FBXL5: variants seen among roughly 807,000 people sequenced by gnomAD.
FBXL5 encodes F-box and leucine rich repeat protein 5, also known as F-box/LRR-repeat protein 5.
Under a neutral mutation model 78.3 loss-of-function variants are expected in FBXL5, and 26 were observed. The ratio of observed to expected loss-of-function variants is 0.33; its 90% CI spans 0.24 to 0.46. FBXL5 has a LOEUF of 0.46. Among genes scored for constraint, FBXL5 ranks in the 20% least tolerant of loss-of-function variants. The probability of loss-of-function intolerance (pLI) is 1.00; values close to 1 mark genes in which losing one functional copy is unlikely to be tolerated. For missense variants in FBXL5, 710 were observed against 829.2 expected, an observed-to-expected ratio of 0.86 and a Z score of 1.77; for synonymous variants, 295 against 282.5, an observed-to-expected ratio of 1.04 and a Z score of -0.45.
chr4:15,636,721 T>C (rs1714323907), intron 4 of FBXL5, 45 bp from the exon 5 acceptor site: 3 of 1,346,936 alleles, frequency 2.2e-6, no homozygotes, highest in Non-Finnish European at 3.0e-6. Flanking sequence ...CTAAAGAGCA[T>C]ATGCAATAAG....
chr4:15,615,358 G>C (rs1050551188), intron 9 of FBXL5, among the ~76,000 whole-genome samples: 5 of 152,022 alleles, frequency 3.3e-5, no homozygotes, highest in Non-Finnish European at 7.4e-5. Context: ...GGATCCACTG[G>C]GTGAAGCCAG....
chr4:15,663,276 A>G (rs1717397281), upstream of FBXL5, among the ~76,000 whole-genome samples: 1 of 152,218 alleles, frequency 6.6e-6, no homozygotes, highest in South Asian at 2.1e-4. Context: ...ACTCCACTGC[A>G]TGGGACATAG....
chr4:15,640,980 G>GA (rs1014527679), intron 2 of FBXL5, 97 bp from the exon 3 acceptor site: 859 of 546,276 alleles, frequency 1.6e-3, no homozygotes, highest in South Asian at 2.1e-3. Flanking sequence ...AACCTCCGGG[G>GA]AAAAAAAAAT....
chr4:15,657,482 T>C (rs1339412240), upstream of FBXL5, among the ~76,000 whole-genome samples: 1 of 152,206 alleles, frequency 6.6e-6, no homozygotes, highest in Admixed American at 6.5e-5. Flanking sequence ...ACCAGACACA[T>C]TAAAAAGGTA....
At chr4:15,636,945 C>T (rs1714345593) in intron 4 of FBXL5, among the ~76,000 whole-genome samples, 1 of 152,102 alleles carries the variant, frequency 6.6e-6, no homozygotes, top group Non-Finnish European at 1.5e-5. Context: ...CTTACAAAGG[C>T]ATCACAGAAA....
intron 9 of FBXL5, among the ~76,000 whole-genome samples, chr4:15,615,890 A>G (rs1711804311): frequency 6.6e-6 from 1 of 152,108 alleles, no homozygotes; most frequent in Non-Finnish European, 1.5e-5. Context: ...GTCCCCTTCC[A>G]CACTGTGGAA....
chr4:15,607,376 AAAT>A (rs1721961176), intron 10 of FBXL5, among the ~76,000 whole-genome samples: 1 of 152,230 alleles, frequency 6.6e-6, no homozygotes, highest in Non-Finnish European at 1.5e-5. Flanking sequence ...TCTGGTCTTT[AAAT>A]GAGAAGTTAA....
At chr4:15,655,683 A>G (rs1716846698), upstream of FBXL5, among the ~76,000 whole-genome samples, 1 of 152,158 alleles carries the variant, frequency 6.6e-6, no homozygotes, top group Non-Finnish European at 1.5e-5. Flanking sequence ...CACGGCCTTG[A>G]GGAGAGGCAG....
At chr4:15,628,167 T>A (rs1215953710) in intron 6 of FBXL5, 134 bp from the exon 7 acceptor site, 2 of 875,554 alleles carry the variant, frequency 2.3e-6, no homozygotes, top group Non-Finnish European at 1.7e-6. Context: ...ATCCCATTTT[T>A]AGGCAATGAA....
At position 15,640,885 on chromosome 4, in the gene FBXL5, T is replaced by G; in HGVS notation, c.301-2A>C. 3 of 1,426,226 alleles carry G rather than the reference T, an allele frequency of 2.1e-6. No individual in the cohort carries two copies. Among genetic ancestry groups the G allele is most frequent in the Non-Finnish European group, 2.8e-6 (3 of 1,065,860 alleles). The allele number at this position is 1,426,226 out of a possible 1,614,324, so 88.3% of individuals were successfully genotyped here. A position where few individuals can be genotyped will look rare whatever the true frequency, so the allele number is the denominator to read the frequency against. Reference sequence around the variant, plus strand: ...ATAATTTAACTGTTCATATTCATTCTGGAAACCAAAAAAAAAATACATTTT... The same window carrying G: ...ATAATTTAACTGTTCATATTCATTCGGGAAACCAAAAAAAAAATACATTTT... On this transcript the variant is annotated splice_acceptor_variant, in intron 2 of 10. Coordinates refer to ENST00000341285, the MANE Select transcript of FBXL5 (RefSeq NM_012161.4). LOFTEE classifies it high-confidence loss of function.
At position 15,605,163 on chromosome 4, in the gene FBXL5, A is replaced by G. The variant is rs960322805; in HGVS notation, c.*560T>C. 3 of 152,714 alleles carry G rather than the reference A, an allele frequency of 2.0e-5. No homozygotes were observed. Among genetic ancestry groups the G allele is most frequent in the African/African-American group, 7.2e-5 (3 of 41,460 alleles). 9.5% of individuals were successfully genotyped at this position (152,714 alleles called of 1,614,324 possible). On this transcript the variant is annotated 3_prime_UTR_variant, in exon 11 of 11. Transcript: ENST00000341285. Reference sequence around the variant, plus strand: ...ATATCGATTGGTGCTTTCCTAGCTCACTGAGCTAACACTCAGAAGCCAATT... The same window carrying G: ...ATATCGATTGGTGCTTTCCTAGCTCGCTGAGCTAACACTCAGAAGCCAATT...
chr4:15,655,082 G>A, intron 1 of FBXL5, 122 bp downstream of exon 1: 1 of 698,368 alleles, frequency 1.4e-6, no homozygotes, highest in Non-Finnish European at 1.9e-6. Context: ...TGCGCAGGCG[G>A]CTACTCGCGC....
intron 8 of FBXL5, 86 bp downstream of exon 8, chr4:15,626,787 A>C: frequency 1.0e-6 from 1 of 962,548 alleles, no homozygotes; most frequent in Non-Finnish European, 1.5e-6. Context: ...ATAGTAAAAA[A>C]TAATAGTATG....
chr4:15,624,228 A>G (rs191382874), intron 9 of FBXL5, among the ~76,000 whole-genome samples: 26 of 152,322 alleles, frequency 1.7e-4, no homozygotes, highest in Admixed American at 1.4e-3. Context: ...TTATCAAAGA[A>G]AAGCATGTAT....
chr4:15,610,166 G>A (rs1207396335), intron 10 of FBXL5, among the ~76,000 whole-genome samples: 1 of 151,976 alleles, frequency 6.6e-6, no homozygotes, highest in Non-Finnish European at 1.5e-5. Flanking sequence ...TACAAGCTGA[G>A]CTGTTTTGAA....
At chr4:15,621,962 GGAACTA>G (rs1318093080) in intron 9 of FBXL5, among the ~76,000 whole-genome samples, 1 of 152,156 alleles carries the variant, frequency 6.6e-6, no homozygotes, top group Non-Finnish European at 1.5e-5. Context: ...CTGAGTAGCT[GGAACTA>G]CAGGTGCATG....
chr4:15,639,698 TA>T (rs1714640538), intron 3 of FBXL5, among the ~76,000 whole-genome samples: 3 of 152,360 alleles, frequency 2.0e-5, no homozygotes, highest in Non-Finnish European at 1.5e-5. Flanking sequence ...ACACTGGCTG[TA>T]TATTACAATG....
chr4:15,609,789 C>T (rs1032900341), intron 10 of FBXL5, among the ~76,000 whole-genome samples: 2 of 151,926 alleles, frequency 1.3e-5, no homozygotes, highest in Non-Finnish European at 2.9e-5. Flanking sequence ...TATCAAGACA[C>T]TTTATGTACA....
chr4:15,645,153 T>C (rs1188803181), intron 1 of FBXL5, among the ~76,000 whole-genome samples: 2 of 152,000 alleles, frequency 1.3e-5, no homozygotes, highest in Non-Finnish European at 2.9e-5. Flanking sequence ...CTAAAGTATC[T>C]AGTATTCCTA....
Sources: gnomAD v4.1 joint callset for allele counts (sites outside exome capture counted in the v4.1 genomes callset) on GRCh38, gnomAD v4.1.1 for gene constraint, MANE v1.5 for transcripts, NCBI Gene and HGNC (gene_info 2026-07-23, HGNC 2026-07-21) for gene names.